Variants in KALRN observed in about 807,000 individuals in gnomAD.
KALRN encodes the protein kalirin.
Under a neutral mutation model 353.7 loss-of-function variants are expected in KALRN, and 70 were observed. The ratio of observed to expected loss-of-function variants is 0.20; its 90% CI spans 0.16 to 0.24. The LOEUF (loss-of-function observed/expected upper bound fraction) is 0.24, where lower values mean the gene tolerates loss of function less well. Among genes scored for constraint, KALRN ranks in the 10% least tolerant of loss-of-function variants. The pLI is 1.00. For synonymous variants in KALRN, 1,391 were observed against 1,434.8 expected (o/e 0.97, Z 0.69); for missense variants, 2,791 against 3,756.7 (o/e 0.74, Z 6.72).
chr3:124,555,236 A>G (rs2071070750), intron 33 of KALRN, among the ~76,000 whole-genome samples: 1 of 144,438 alleles, frequency 6.9e-6, no homozygotes, highest in African/African-American at 2.9e-5. Flanking sequence ...CATTAAAGAA[A>G]AAAAAAAGTT....
chr3:124,522,845 A>T (rs534905208), intron 33 of KALRN, among the ~76,000 whole-genome samples: 1 of 152,310 alleles, frequency 6.6e-6, no homozygotes, highest in Non-Finnish European at 1.5e-5. Flanking sequence ...CAAAGTAGTT[A>T]TCCTTAAACA....
intron 5 of KALRN, among the ~76,000 whole-genome samples, chr3:124,293,767 C>T (rs1396051354): frequency 1.3e-5 from 2 of 152,114 alleles, no homozygotes; most frequent in Non-Finnish European, 2.9e-5. Context: ...TGTTATATTA[C>T]ACTTTGCTGA....
chr3:124,650,327 T>C lies in KALRN; in HGVS notation c.5665-481T>C, dbSNP rs1341111254. Among the ~76,000 whole-genome samples the C allele has an allele frequency of 3.3e-5, 5 of 152,230 alleles. No homozygotes were observed. In the East Asian group the frequency reaches 9.6e-4, roughly 29 times the overall value. ...AATCTGTAGAGAGGGAAGATTTAAT[T>C]TGAAAACTGAGAAAAACTGAAGCAT... On this transcript the variant is annotated intron_variant, in intron 37 of 59. Transcript: ENST00000682506.
chr3:124,150,008 A>T (rs941333738), intron 1 of KALRN, among the ~76,000 whole-genome samples: 1 of 152,232 alleles, frequency 6.6e-6, no homozygotes, highest in Non-Finnish European at 1.5e-5. Flanking sequence ...AATGAATGCC[A>T]AGCTGTTAGA....
intron 33 of KALRN, among the ~76,000 whole-genome samples, chr3:124,531,286 T>G (rs2068022670): frequency 2.0e-5 from 3 of 152,200 alleles, no homozygotes; most frequent in Non-Finnish European, 4.4e-5. Context: ...TAACAACAAA[T>G]CATACTTGCA....
At chr3:124,063,010 A>C (rs1393293185) in intron 1 of KALRN, among the ~76,000 whole-genome samples, 1 of 152,170 alleles carries the variant, frequency 6.6e-6, no homozygotes, top group Non-Finnish European at 1.5e-5. Flanking sequence ...GGGAGGAGAG[A>C]GCTAGATGCA....
rs2063391836 is a variant in KALRN, at chr3:124,724,191, T to A, written c.*4721T>A. ...TGAGAATATGAGGGAGCAAATATGA[T>A]ATAAACTAAATTTTGCATTAACTAA... On this transcript the variant is annotated 3_prime_UTR_variant, in exon 60 of 60. Coordinates refer to ENST00000682506, the MANE Select transcript of KALRN (RefSeq NM_001388419.1). 1 of 152,196 alleles carries A rather than the reference T, an allele frequency of 6.6e-6. No homozygotes were observed. 9.4% of individuals were successfully genotyped at this position (152,196 alleles called of 1,614,324 possible). A position where few individuals can be genotyped will look rare whatever the true frequency, so the allele number is the denominator to read the frequency against.
rs80082949 is a variant in KALRN, at chr3:124,348,261, G to A, written c.1770+996G>A. Among the ~76,000 whole-genome samples, 16 of 152,276 alleles carry A rather than the reference G, an allele frequency of 1.1e-4. No homozygotes were observed. The East Asian group carries it at 2.5e-3, about 24-fold the overall frequency. On this transcript the variant is annotated intron_variant, in intron 10 of 59. Transcript: ENST00000682506. ...CACTGCTTTAGCCAGAGCTGACTTC[G>A]ATCCCACCAGGCAGACAGCCCTCAA...
At chr3:124,693,618 T>G (rs1201878890) in intron 51 of KALRN, among the ~76,000 whole-genome samples, 186 bp from the exon 52 acceptor site, 3 of 152,290 alleles carry the variant, frequency 2.0e-5, no homozygotes, top group South Asian at 4.2e-4. Flanking sequence ...GTAAACCAAG[T>G]GCCAATTGTT....
intron 33 of KALRN, among the ~76,000 whole-genome samples, chr3:124,557,592 T>A (rs1168806404): frequency 6.6e-6 from 1 of 152,198 alleles, no homozygotes; most frequent in African/African-American, 2.4e-5. Context: ...ATGCTCCAGC[T>A]TTACATTTTT....
At chr3:124,050,284 G>T (rs993318898) in intron 1 of KALRN, among the ~76,000 whole-genome samples, 4 of 152,212 alleles carry the variant, frequency 2.6e-5, no homozygotes, top group Admixed American at 2.6e-4. Flanking sequence ...CTGACTCCAG[G>T]CCTTTGCCCA....
intron 51 of KALRN, among the ~76,000 whole-genome samples, chr3:124,688,317 A>G (rs958028857): frequency 6.6e-6 from 1 of 152,040 alleles, no homozygotes; most frequent in Admixed American, 6.6e-5. Flanking sequence ...TGTCAAAAAA[A>G]AAAAAAAAAA....
intron 1 of KALRN, among the ~76,000 whole-genome samples, chr3:124,186,935 T>C (rs994591079): frequency 6.6e-6 from 1 of 152,186 alleles, no homozygotes; most frequent in African/African-American, 2.4e-5. Context: ...ATGGGAATGA[T>C]GCTGAATTAT....
intron 25 of KALRN, among the ~76,000 whole-genome samples, chr3:124,469,204 A>C (rs1413245257): frequency 1.3e-5 from 2 of 152,398 alleles, no homozygotes; most frequent in South Asian, 4.1e-4. Flanking sequence ...TTCAACAGGT[A>C]ACCATGCAGC....
intron 1 of KALRN, among the ~76,000 whole-genome samples, chr3:124,116,425 T>A (rs2063468189): frequency 6.6e-6 from 1 of 152,208 alleles, no homozygotes; most frequent in Non-Finnish European, 1.5e-5. Flanking sequence ...GTATAGATCC[T>A]ATCTTACAGA....
chr3:124,710,577 A>C (rs2062842624), intron 57 of KALRN, among the ~76,000 whole-genome samples: 1 of 152,358 alleles, frequency 6.6e-6, no homozygotes, highest in South Asian at 2.1e-4. Context: ...CTTTGAGCTC[A>C]GGAATTCAAG....
At chr3:124,083,123 G>C (rs2060628693) in intron 1 of KALRN, among the ~76,000 whole-genome samples, 1 of 152,230 alleles carries the variant, frequency 6.6e-6, no homozygotes, top group African/African-American at 2.4e-5. Context: ...AGTCTAGGGT[G>C]TGACATCTTG....
intron 33 of KALRN, among the ~76,000 whole-genome samples, chr3:124,522,452 C>G (rs2067241483): frequency 6.6e-6 from 1 of 151,958 alleles, no homozygotes; most frequent in African/African-American, 2.4e-5. Flanking sequence ...TTTGAAAAGT[C>G]CCACAAGCTG....
intron 33 of KALRN, among the ~76,000 whole-genome samples, chr3:124,532,587 C>T (rs1273594552): frequency 1.3e-5 from 2 of 152,124 alleles, no homozygotes. Context: ...GGGCGGATCA[C>T]TTGAGGTCAG....
Sources: allele counts gnomAD v4.1 joint callset (sites outside exome capture counted in the v4.1 genomes callset), GRCh38; gene constraint gnomAD v4.1.1; transcripts MANE v1.5; gene names NCBI Gene and HGNC (gene_info 2026-07-23, HGNC 2026-07-21).